GPHN: variants seen among roughly 807,000 people sequenced by gnomAD.
The protein encoded by GPHN is gephyrin.
Under a neutral mutation model 95.5 loss-of-function variants are expected in GPHN, and 17 were observed. That is an observed-to-expected ratio of 0.18 (90% CI 0.12 to 0.27). The LOEUF (loss-of-function observed/expected upper bound fraction) is 0.27. Among genes scored for constraint, GPHN ranks in the 10% least tolerant of loss-of-function variants. The pLI is 1.00. For missense variants in GPHN, 660 were observed against 978.1 expected (o/e 0.67, Z 4.34); for synonymous variants, 320 against 322.5 (o/e 0.99, Z 0.08).
At chr14:66,614,870 G>T (rs1227466844) in intron 1 of GPHN, among the ~76,000 whole-genome samples, 1 of 151,784 alleles carries the variant, frequency 6.6e-6, no homozygotes, top group African/African-American at 2.4e-5. Flanking sequence ...TCCCCTAACC[G>T]CTCATCACCC....
chr14:67,663,581 G>A, the GPHN span, among the ~76,000 whole-genome samples: 1 of 151,004 alleles, frequency 6.6e-6, no homozygotes, highest in Non-Finnish European at 1.5e-5. Flanking sequence ...GGCTGAGGCA[G>A]GAGAATGGTG....
At chr14:67,389,490 A>G in the GPHN span, among the ~76,000 whole-genome samples, 209 of 152,250 alleles carry the variant, frequency 1.4e-3, 5 homozygotes, top group East Asian at 0.023. Context: ...GAGATTTGGC[A>G]ATTCTTTTAT....
chr14:66,988,518 A>G (rs2071180899), intron 9 of GPHN, among the ~76,000 whole-genome samples: 1 of 152,050 alleles, frequency 6.6e-6, no homozygotes, highest in African/African-American at 2.4e-5. Context: ...GAGTTAATAG[A>G]CTTAACTCAG....
Position 66,520,735 on chromosome 14 carries a change from G to C in GPHN, c.64+12144G>C, listed in dbSNP as rs1407509612. ...TTTAAACTTTTATTTTAGTTTCAAGGGTACATGTGCAGGTTTGTTATATAG... is the reference window on the plus strand; with the variant it reads ...TTTAAACTTTTATTTTAGTTTCAAGCGTACATGTGCAGGTTTGTTATATAG... On this transcript the variant is annotated intron_variant, in intron 1 of 22. Coordinates refer to ENST00000478722, the MANE Select transcript of GPHN (RefSeq NM_020806.5). 2.0e-5 allele frequency among the ~76,000 whole-genome samples: 3 copies of C among 151,796 alleles called. No homozygotes were observed. In the South Asian group the frequency reaches 6.3e-4, roughly 32 times the overall value.
At chr14:67,360,364 G>T in the GPHN span, 1 of 397,266 alleles carries the variant, frequency 2.5e-6, no homozygotes, top group Non-Finnish European at 4.4e-6. Context: ...CGCTGAGGAG[G>T]ATCGGCGGCC....
the GPHN span, among the ~76,000 whole-genome samples, chr14:67,703,440 TC>T: frequency 6.6e-6 from 1 of 152,198 alleles, no homozygotes; most frequent in African/African-American, 2.4e-5. Context: ...TTCTAAGTCT[TC>T]TTAAGTTAGT....
At chr14:66,933,809 A>T (rs923967685) in intron 8 of GPHN, among the ~76,000 whole-genome samples, 16 of 152,238 alleles carry the variant, frequency 1.1e-4, no homozygotes, top group African/African-American at 3.4e-4. Context: ...TGCTCAGAAT[A>T]CAAATATAAA....
chr14:67,115,306 GA>G (rs1191253252), intron 16 of GPHN, among the ~76,000 whole-genome samples: 27 of 151,654 alleles, frequency 1.8e-4, no homozygotes, highest in Admixed American at 1.8e-3. Flanking sequence ...CAGATACCTA[GA>G]AAACAATAGC....
At position 66,806,003 on chromosome 14, in the gene GPHN, T is replaced by G. The variant is rs150586760; in HGVS notation, c.202-18471T>G. Among the ~76,000 whole-genome samples the G allele has an allele frequency of 3.0e-3, 457 of 152,374 alleles. 3 individuals carry two copies. Among genetic ancestry groups the G allele is most frequent in the African/African-American group, 0.011 (439 of 41,590 alleles). On this transcript the variant is annotated intron_variant, in intron 3 of 22. Transcript: ENST00000478722. ...TTCTGCACTGCCCTAGCAGAGGTTC[T>G]GCATGAGGTCCCCACCCCTACGGCA...
chr14:67,080,354 A>G (rs2076642678), intron 11 of GPHN, among the ~76,000 whole-genome samples: 1 of 151,008 alleles, frequency 6.6e-6, no homozygotes, highest in Non-Finnish European at 1.5e-5. Context: ...CTCTCATTTC[A>G]TAGGTTGCCT....
At chr14:67,112,981 C>T in intron 15 of GPHN, 37 bp from the exon 16 acceptor site, 1 of 1,602,878 alleles carries the variant, frequency 6.2e-7, no homozygotes, top group South Asian at 1.1e-5. Flanking sequence ...ATGTTGTTCT[C>T]TAATCACACT....
At chr14:66,899,122 C>CTTTTTT (rs149566081) in intron 5 of GPHN, among the ~76,000 whole-genome samples, 9 of 130,770 alleles carry the variant, frequency 6.9e-5, no homozygotes, top group East Asian at 2.2e-4. Context: ...AGGGCTTTTT[C>CTTTTTT]TTTTTTTTTT....
intron 1 of GPHN, among the ~76,000 whole-genome samples, chr14:66,537,664 C>T (rs1011260263): frequency 6.6e-6 from 1 of 152,038 alleles, no homozygotes; most frequent in African/African-American, 2.4e-5. Flanking sequence ...TTTTACAGTT[C>T]TTTGCTACCA....
At chr14:67,586,501 A>G in the GPHN span, 1 of 934,792 alleles carries the variant, frequency 1.1e-6, no homozygotes, top group Admixed American at 2.3e-5. Flanking sequence ...AACATTAGCT[A>G]CAAAGTGGGA....
chr14:66,718,706 A>G (rs1331090148), intron 2 of GPHN, among the ~76,000 whole-genome samples: 1 of 152,076 alleles, frequency 6.6e-6, no homozygotes, highest in Non-Finnish European at 1.5e-5. Flanking sequence ...ACAATCCTTT[A>G]GCTAGACACA....
At chr14:67,541,901 G>A in the GPHN span, 8 of 1,603,748 alleles carry the variant, frequency 5.0e-6, no homozygotes, top group East Asian at 2.2e-5. Context: ...GCCGGCCAGC[G>A]TAGACTGGCA....
At chr14:67,569,279 G>C in the GPHN span, 1 of 1,224,926 alleles carries the variant, frequency 8.2e-7, no homozygotes, top group South Asian at 1.2e-5. Flanking sequence ...GGCAAGCGGG[G>C]AGGAGAAGAC....
the GPHN span, among the ~76,000 whole-genome samples, chr14:67,196,470 C>T: frequency 6.6e-6 from 1 of 152,316 alleles, no homozygotes; most frequent in South Asian, 2.1e-4. Context: ...GATCTGCCCG[C>T]CTTGGCCTCT....
At chr14:67,198,020 G>A in the GPHN span, 100 of 952,306 alleles carry the variant, frequency 1.1e-4, 1 homozygote, top group East Asian at 2.6e-3. Context: ...GCCTGGTGCA[G>A]TGCCAAGCAT....
Sources: allele counts gnomAD v4.1 joint callset (sites outside exome capture counted in the v4.1 genomes callset), GRCh38; gene constraint gnomAD v4.1.1; transcripts MANE v1.5; gene names NCBI Gene and HGNC (gene_info 2026-07-23, HGNC 2026-07-21).